MKRN1: variants seen among roughly 807,000 people sequenced by gnomAD.
The protein encoded by MKRN1 is E3 ubiquitin-protein ligase makorin-1.
A neutral mutation model predicts 55.5 loss-of-function variants in MKRN1; 9 were observed. That is an observed-to-expected ratio of 0.16 (90% CI 0.10 to 0.28). The LOEUF is 0.28. Among genes scored for constraint, MKRN1 ranks in the 10% least tolerant of loss-of-function variants. The pLI is 1.00. For missense variants in MKRN1, 488 were observed against 626.7 expected (o/e 0.78, Z 2.36); for synonymous variants, 253 against 235.9 (o/e 1.07, Z -0.66).
chr7:140,462,186 C>A (rs569234135), intron 2 of MKRN1, among the ~76,000 whole-genome samples: 12 of 152,092 alleles, frequency 7.9e-5, no homozygotes, highest in East Asian at 5.8e-4. Flanking sequence ...TGCCACAATG[C>A]TGGTCTAACT....
Position 140,456,821 on chromosome 7 carries a change from C to A in MKRN1, c.817G>T (p.Val273Leu). ...CACACCATGTCCTTGCTGCGCTGCA[C>A]GGCAAATGAGAGCTCCATGTCCTTC... ...HEKDMELSFA[V>L]QRSKDMVCGI... is the part of the protein sequence containing the mutation. Residue 273 changes from valine to leucine, a missense_variant, in exon 5 of 8, where the codon GTG (valine) becomes TTG (leucine). Coordinates refer to ENST00000255977, the MANE Select transcript of MKRN1 (RefSeq NM_013446.4). The A allele has an allele frequency of 3.7e-6, 6 of 1,613,938 alleles. No homozygotes were observed. The highest frequency in any genetic ancestry group is 5.1e-6 in the Non-Finnish European group (6 of 1,179,902).
intron 2 of MKRN1, among the ~76,000 whole-genome samples, chr7:140,465,973 C>G (rs1317300442): frequency 6.6e-6 from 1 of 152,020 alleles, no homozygotes; most frequent in Non-Finnish European, 1.5e-5. Flanking sequence ...CCCAGCTACT[C>G]AGGAGGCTGA....
At chr7:140,478,876 A>AG (rs1228867472) in intron 1 of MKRN1, 4 of 267,674 alleles carry the variant, frequency 1.5e-5, no homozygotes, top group Non-Finnish European at 2.8e-5. Context: ...GGCAGCGCTC[A>AG]GGGAAGTGTA....
At chr7:140,458,410 G>T (rs780628593) in intron 4 of MKRN1, among the ~76,000 whole-genome samples, 70 of 152,092 alleles carry the variant, frequency 4.6e-4, no homozygotes, top group Non-Finnish European at 8.8e-4. Flanking sequence ...AATCACAAAG[G>T]ACCACATTAC....
At chr7:140,460,915 A>G (rs1005565844) in intron 2 of MKRN1, among the ~76,000 whole-genome samples, 20 of 152,242 alleles carry the variant, frequency 1.3e-4, no homozygotes, top group Non-Finnish European at 2.2e-4. Context: ...TGTTCCGATC[A>G]AACTTGATTT....
chr7:140,462,990 T>C (rs906146138), intron 2 of MKRN1, among the ~76,000 whole-genome samples: 15 of 151,856 alleles, frequency 9.9e-5, no homozygotes, highest in African/African-American at 3.4e-4. Context: ...CTATGCGCGG[T>C]GGCTCATGCC....
chr7:140,466,436 G>C (rs1794767263), intron 2 of MKRN1, among the ~76,000 whole-genome samples: 1 of 152,182 alleles, frequency 6.6e-6, no homozygotes, highest in African/African-American at 2.4e-5. Flanking sequence ...AGGCAAAGGT[G>C]GGAGCATCAG....
At chr7:140,474,784 T>C (rs1422543035) in intron 1 of MKRN1, among the ~76,000 whole-genome samples, 1 of 151,120 alleles carries the variant, frequency 6.6e-6, no homozygotes, top group East Asian at 2.0e-4. Flanking sequence ...AGTGGTGCAA[T>C]CTTGGCTCAC....
intron 1 of MKRN1, chr7:140,475,389 G>A (rs1795091773): frequency 2.9e-5 from 10 of 342,934 alleles, no homozygotes; most frequent in South Asian, 2.1e-4. Context: ...GCCAAGCATG[G>A]TGGCTCACAC....
At position 140,479,469 on chromosome 7, in the gene MKRN1, TC is replaced by T. The variant is rs1795228889; in HGVS notation, c.-126del. The T allele has an allele frequency of 4.0e-6, 4 of 1,009,382 alleles. No individual in the cohort carries two copies. Among genetic ancestry groups the T allele is most frequent in the East Asian group, 6.5e-5 (2 of 30,540 alleles). 62.5% of individuals were successfully genotyped at this position (1,009,382 alleles called of 1,614,324 possible). A position where few individuals can be genotyped will look rare whatever the true frequency, so the allele number is the denominator to read the frequency against. The stretch of plus-strand genomic sequence containing the variant: ...GAAGGACACTGAGGCACCCGTTCGG[TC>T]CCCGCCTGCTACGCGTCGCGTATCT... On this transcript the variant is annotated 5_prime_UTR_variant, in exon 1 of 8. Transcript: ENST00000255977.
intron 1 of MKRN1, among the ~76,000 whole-genome samples, chr7:140,474,001 A>AGAAAGAAAGAAAGAAAG (rs1554450277): frequency 9.7e-6 from 1 of 103,316 alleles, no homozygotes; most frequent in African/African-American, 4.4e-5. Flanking sequence ...TCAAAAAAAA[A>AGAAAGAAAGAAAGAAAG]AAAAAAAGAA....
intron 2 of MKRN1, among the ~76,000 whole-genome samples, chr7:140,467,655 T>C (rs1794811462): frequency 6.6e-6 from 1 of 152,152 alleles, no homozygotes; most frequent in Non-Finnish European, 1.5e-5. Context: ...TAATTTCCTC[T>C]GGTCTCAAAC....
At chr7:140,466,667 G>A (rs532572528) in intron 2 of MKRN1, among the ~76,000 whole-genome samples, 1 of 152,126 alleles carries the variant, frequency 6.6e-6, no homozygotes, top group African/African-American at 2.4e-5. Flanking sequence ...AGCCGGGCGC[G>A]GTGGCGGGCG....
intron 1 of MKRN1, chr7:140,478,942 G>T: frequency 2.2e-6 from 1 of 459,566 alleles, no homozygotes. Context: ...GGCCTCCGCG[G>T]ACAGCGCTGA....
chr7:140,459,763 G>A lies in MKRN1; in HGVS notation c.488C>T (p.Ser163Leu). Residue 163 changes from serine to leucine, a missense_variant, in exon 3 of 8, where the codon TCA becomes TTA. Physicochemically the swap from Ser to Leu is moderately radical, Grantham distance 145 (BLOSUM62 -2). Coordinates refer to ENST00000255977, the MANE Select transcript of MKRN1 (RefSeq NM_013446.4). ...NSNFATVGAGSEDWVNAIEFV... is the reference protein window; with the variant it reads ...NSNFATVGAGLEDWVNAIEFV... ...CTCAATAGCATTCACCCAGTCCTCTGAACCTGCTCCTACAGTTGCAAAGTT... is the reference window on the plus strand; with the variant it reads ...CTCAATAGCATTCACCCAGTCCTCTAAACCTGCTCCTACAGTTGCAAAGTT... 1 of 1,613,892 alleles carries A rather than the reference G, an allele frequency of 6.2e-7. No homozygotes were observed. Among genetic ancestry groups the A allele is most frequent in the South Asian group, 1.1e-5 (1 of 91,070 alleles).
intron 2 of MKRN1, 149 bp from the exon 3 acceptor site, chr7:140,460,085 C>A (rs1454741268): frequency 8.7e-6 from 6 of 686,712 alleles, no homozygotes; most frequent in Non-Finnish European, 1.3e-5. Context: ...CCCGTCACTA[C>A]CAAAAACGCA....
At chr7:140,468,701 C>CAAAAAAAAAAAAAAAAA (rs528725182) in intron 2 of MKRN1, among the ~76,000 whole-genome samples, 1 of 32,128 alleles carries the variant, frequency 3.1e-5, no homozygotes, top group Non-Finnish European at 6.4e-5. Context: ...CTCTGTCTCA[C>CAAAAAAAAAAAAAAAAA]AAAAAAAAAA....
At chr7:140,469,108 C>T (rs11766079) in intron 2 of MKRN1, among the ~76,000 whole-genome samples, 23,994 of 151,910 alleles carry the variant, frequency 0.16, 2,196 homozygotes, top group African/African-American at 0.26. Context: ...TGGCGGATCA[C>T]GAGGTCAGGA....
chr7:140,476,097 T>A (rs1034153286), intron 1 of MKRN1, among the ~76,000 whole-genome samples: 2 of 152,188 alleles, frequency 1.3e-5, no homozygotes, highest in Non-Finnish European at 2.9e-5. Context: ...AAAATAGCTT[T>A]AGTCAAATTC....
Sources: allele counts gnomAD v4.1 joint callset (sites outside exome capture counted in the v4.1 genomes callset), GRCh38; gene constraint gnomAD v4.1.1; transcripts MANE v1.5; gene names NCBI Gene and HGNC (gene_info 2026-07-23, HGNC 2026-07-21).